The following TSPAN11 variants were observed in gnomAD, a reference collection of about 807,000 sequenced individuals.
TSPAN11 encodes the protein tetraspanin-11.
TSPAN11 carries 29 observed loss-of-function variants against 32.9 expected under a neutral mutation model. The ratio of observed to expected loss-of-function variants is 0.88; its 90% CI spans 0.66 to 1.20. TSPAN11 has a LOEUF of 1.20. Among genes scored for constraint, TSPAN11 ranks in the 50% most tolerant of loss-of-function variants. The pLI is 0.00. For synonymous variants in TSPAN11, 140 were observed against 141.3 expected (o/e 0.99, Z 0.07); for missense variants, 283 against 329.1 (o/e 0.86, Z 1.08).
Position 30,991,815 on chromosome 12 carries a change from T to A in TSPAN11, c.703-41T>A, listed in dbSNP as rs1314829215. The A allele has an allele frequency of 4.3e-6, 7 of 1,612,126 alleles. No homozygotes were observed. The East Asian group carries it at 1.6e-4, about 36-fold the overall frequency. On this transcript the variant is annotated intron_variant, in intron 7 of 7. Coordinates refer to ENST00000546076, the MANE Select transcript of TSPAN11 (RefSeq NM_001370302.1). ...CCTGAGGGCCGGCAGCTTCCAGGAG[T>A]TCTGATTTCTCTTTGCTCCTCTGCT...
chr12:30,982,634 A>G lies in TSPAN11; in HGVS notation c.559A>G (p.Thr187Ala). Residue 187 changes from threonine to alanine, a missense_variant, in exon 6 of 8, where the codon ACA becomes GCA. Coordinates refer to ENST00000546076, the MANE Select transcript of TSPAN11 (RefSeq NM_001370302.1). ...CCAGGTGCCCGACAGCTGCTGCAAG[A>G]CAGTGGTGGTGCGCTGCGGCCAGCG... ...GRQVPDSCCK[T>A]VVVRCGQRAH... The G allele has an allele frequency of 1.9e-6, 3 of 1,611,998 alleles. No individual in the cohort carries two copies. Among genetic ancestry groups the G allele is most frequent in the Non-Finnish European group, 2.5e-6 (3 of 1,179,350 alleles).
the TSPAN11 span, among the ~76,000 whole-genome samples, chr12:31,008,111 C>CTT: frequency 9.6e-4 from 140 of 145,474 alleles, 1 homozygote; most frequent in Middle Eastern, 3.5e-3. Flanking sequence ...TTTCTTTTTT[C>CTT]TTTTTTTTTT....
chr12:30,973,954 A>T (rs1938905911), intron 3 of TSPAN11, among the ~76,000 whole-genome samples: 1 of 152,194 alleles, frequency 6.6e-6, no homozygotes, highest in African/African-American at 2.4e-5. Flanking sequence ...ATCCCCAAGG[A>T]AACACTGAGA....
At position 30,975,662 on chromosome 12, in the gene TSPAN11, C is replaced by G. The variant is rs550334009; in HGVS notation, c.277-2899C>G. ...TCCCCATCCTCCCTGTTCCCCACCC[C>G]GTCTTCAATAGTAACTGGGGCAGTG... On this transcript the variant is annotated intron_variant, in intron 3 of 7. Transcript: ENST00000546076. This position sits in a 1 kb window ranked among gnomAD's most constrained non-coding sequence, Gnocchi z 4.5. 2.9e-3 allele frequency among the ~76,000 whole-genome samples: 449 copies of G among 152,214 alleles called. 2 individuals are homozygous for G. Among genetic ancestry groups the G allele is most frequent in the African/African-American group, 7.1e-3 (293 of 41,518 alleles).
chr12:30,928,789 C>T lies in TSPAN11; in HGVS notation c.-12+1993C>T, dbSNP rs188981451. ...CTCAGAGAGGCCTTTCCTGATCCCC[C>T]ATCTAAAGTAGCCACCTCCCAGCCA... On this transcript the variant is annotated intron_variant, in intron 1 of 7. Coordinates refer to ENST00000546076, the MANE Select transcript of TSPAN11 (RefSeq NM_001370302.1). Among the ~76,000 whole-genome samples, 23 of 152,266 alleles carry T rather than the reference C, an allele frequency of 1.5e-4. No homozygotes were observed. The East Asian group carries it at 3.1e-3, about 20-fold the overall frequency.
chr12:31,004,357 T>C, the TSPAN11 span, among the ~76,000 whole-genome samples: 1 of 152,198 alleles, frequency 6.6e-6, no homozygotes. Context: ...CTGATCTCTC[T>C]TGGGCTTTCT....
At chr12:30,979,763 C>T (rs964253654) in intron 5 of TSPAN11, 93 bp downstream of exon 5, 23 of 1,246,672 alleles carry the variant, frequency 1.8e-5, no homozygotes, top group Non-Finnish European at 2.6e-5. Context: ...AGGCAAGTTA[C>T]TTACCCTCTC....
At chr12:31,000,349 C>T (rs961283501), downstream of TSPAN11, among the ~76,000 whole-genome samples, 2 of 152,174 alleles carry the variant, frequency 1.3e-5, no homozygotes, top group Admixed American at 6.5e-5. Context: ...CTCCTGTATC[C>T]CCGGCTTTCA....
chr12:30,941,805 C>T (rs1336917624), intron 1 of TSPAN11, among the ~76,000 whole-genome samples: 1 of 152,276 alleles, frequency 6.6e-6, no homozygotes. Flanking sequence ...GCACCTCTTC[C>T]AACCCCACCA....
chr12:30,970,312 G>A (rs936815302), intron 3 of TSPAN11, among the ~76,000 whole-genome samples: 2 of 152,128 alleles, frequency 1.3e-5, no homozygotes, highest in African/African-American at 4.8e-5. Flanking sequence ...TGTTCAGACT[G>A]GGCTCTCAGT....
At chr12:30,927,016 C>T (rs1347976854) in intron 1 of TSPAN11, 4 of 1,284,634 alleles carry the variant, frequency 3.1e-6, no homozygotes, top group Non-Finnish European at 3.0e-6. Context: ...GTATTGGTGT[C>T]TGCATGGGAC....
At chr12:30,984,381 G>C (rs545625995) in intron 7 of TSPAN11, among the ~76,000 whole-genome samples, 3 of 152,226 alleles carry the variant, frequency 2.0e-5, no homozygotes, top group East Asian at 3.9e-4. Flanking sequence ...ATGAGGCGAT[G>C]CCTGCAACCC....
At chr12:30,954,137 G>GT (rs770526037) in intron 2 of TSPAN11, 62 bp downstream of exon 2, 17 of 1,256,486 alleles carry the variant, frequency 1.4e-5, no homozygotes, top group Non-Finnish European at 1.6e-5. Context: ...GCCACCTTTT[G>GT]TTTTTTTGTG....
At position 30,963,916 on chromosome 12, in the gene TSPAN11, G is replaced by T; in HGVS notation, c.175G>T (p.Ala59Ser). The change falls in exon 3 of 8, where the codon GCC becomes TCC. Residue 59 changes from alanine (A) to serine (S), a missense_variant. Physicochemically the swap from Ala to Ser is moderately conservative, Grantham distance 99. Transcript: ENST00000546076. ...LSVLASSTFA[A>S]SAYILIFAGV... ...CGTCCTGGCCTCCAGCACCTTTGCCGCCTCCGCCTACATCCTCATCTTTGC... is the reference window on the plus strand; with the variant it reads ...CGTCCTGGCCTCCAGCACCTTTGCCTCCTCCGCCTACATCCTCATCTTTGC... The T allele has an allele frequency of 6.2e-7, 1 of 1,613,724 alleles. No individual in the cohort carries two copies. Among genetic ancestry groups the T allele is most frequent in the South Asian group, 1.1e-5 (1 of 91,080 alleles).
At chr12:30,982,431 G>A in intron 5 of TSPAN11, 101 bp from the exon 6 acceptor site, 1 of 1,472,530 alleles carries the variant, frequency 6.8e-7, no homozygotes, top group Admixed American at 2.2e-5. Context: ...GGTTCGGGTA[G>A]ACAAATAGGG....
intron 6 of TSPAN11, 145 bp downstream of exon 6, chr12:30,982,835 T>A: frequency 7.8e-7 from 1 of 1,288,468 alleles, no homozygotes; most frequent in Non-Finnish European, 1.1e-6. Flanking sequence ...TGTCTGGGGC[T>A]TTCCAGAGTC....
chr12:30,986,671 T>C (rs1939206848), intron 7 of TSPAN11: 1 of 152,162 alleles, frequency 6.6e-6, no homozygotes, highest in African/African-American at 2.4e-5. Flanking sequence ...ACACCTGGAG[T>C]GTTAAAGCAG....
intron 2 of TSPAN11, among the ~76,000 whole-genome samples, chr12:30,960,457 G>C (rs539834044): frequency 1.3e-5 from 2 of 152,036 alleles, no homozygotes; most frequent in South Asian, 4.2e-4. Context: ...CTTCATTGCA[G>C]AAGCCCTATG....
Position 30,963,312 on chromosome 12 carries a change from T to C in TSPAN11, c.85-514T>C, listed in dbSNP as rs545143468. 2.0e-5 allele frequency among the ~76,000 whole-genome samples: 3 copies of C among 152,316 alleles called. No individual in the cohort carries two copies. In the East Asian group the frequency reaches 5.8e-4, roughly 29 times the overall value. On this transcript the variant is annotated intron_variant, in intron 2 of 7. Transcript: ENST00000546076. The stretch of plus-strand genomic sequence containing the variant: ...CCTTTCCTCCGTGGGTCTCAGTTTC[T>C]TCCTCGTAGAGTAGGGATAAAAAGC...
Sources: gnomAD v4.1 joint callset for allele counts (sites outside exome capture counted in the v4.1 genomes callset) on GRCh38, gnomAD v4.1.1 for gene constraint, Gnocchi (gnomAD v3.1) non-coding constraint, MANE v1.5 for transcripts, NCBI Gene and HGNC (gene_info 2026-07-23, HGNC 2026-07-21) for gene names.